ASB3: variants seen among roughly 807,000 people sequenced by gnomAD.
ASB3 encodes the protein ankyrin repeat and SOCS box containing 3, also known as ankyrin repeat and SOCS box protein 3.
A neutral mutation model predicts 54.5 loss-of-function variants in ASB3; 41 were observed. The observed-to-expected ratio is 0.75, with a 90% CI of 0.59 to 0.98. The LOEUF is 0.98. Among genes scored for constraint, ASB3 ranks in the 50% least tolerant of loss-of-function variants. The probability of loss-of-function intolerance (pLI) is 0.00; values close to 1 mark genes in which losing one functional copy is unlikely to be tolerated. For synonymous variants in ASB3, 266 were observed against 221.2 expected (o/e 1.20, Z -1.80); for missense variants, 733 against 620.0 (o/e 1.18, Z -1.94).
At chr2:53,672,838 C>T (rs1004626097) in intron 9 of ASB3, among the ~76,000 whole-genome samples, 8 of 152,080 alleles carry the variant, frequency 5.3e-5, no homozygotes, top group South Asian at 2.1e-4. Flanking sequence ...GTTGTAGCCA[C>T]GTCTAATTCA....
chr2:53,704,075 T>C (rs758397968), intron 7 of ASB3, among the ~76,000 whole-genome samples: 7 of 151,964 alleles, frequency 4.6e-5, no homozygotes, highest in Non-Finnish European at 8.8e-5. Context: ...TTAAGAAAAG[T>C]AAGAAGGGCT....
At chr2:53,714,766 T>C (rs1013456932) in intron 6 of ASB3, among the ~76,000 whole-genome samples, 185 bp from the exon 7 acceptor site, 5 of 152,208 alleles carry the variant, frequency 3.3e-5, no homozygotes, top group Non-Finnish European at 7.3e-5. Context: ...TCCAGAATGT[T>C]ACACTTATTA....
intron 3 of ASB3, among the ~76,000 whole-genome samples, chr2:53,739,647 C>T (rs1432600397): frequency 6.6e-6 from 1 of 152,050 alleles, no homozygotes; most frequent in African/African-American, 2.4e-5. Flanking sequence ...TCTCTATTAG[C>T]TAGAAAATAT....
Position 53,714,622 on chromosome 2 carries a change from T to C in ASB3, c.783-41A>G, listed in dbSNP as rs73934979. 3,909 of 1,583,164 alleles carry C rather than the reference T, an allele frequency of 2.5e-3. 75 individuals carry two copies. In the African/African-American group the frequency reaches 0.047, roughly 19 times the overall value. ...TTCAGGAGAATTTAGTGTTTGTATA[T>C]GTGCATAAATGTAGGCAACATTTCT... On this transcript the variant is annotated intron_variant, in intron 6 of 9. Transcript: ENST00000263634.
intron 3 of ASB3, among the ~76,000 whole-genome samples, chr2:53,745,327 A>G (rs1029090860): frequency 2.0e-5 from 3 of 152,202 alleles, no homozygotes; most frequent in Non-Finnish European, 4.4e-5. Context: ...TGCTAGCAAA[A>G]AGATGTTCTG....
intron 2 of ASB3, chr2:53,763,716 G>C (rs1482752412): frequency 2.4e-5 from 4 of 164,940 alleles, no homozygotes; most frequent in African/African-American, 9.6e-5. Context: ...ATTCCGATAT[G>C]AAGAAGAGAT....
chr2:53,782,709 ACTC>A (rs1404635689), intron 1 of ASB3, among the ~76,000 whole-genome samples: 2 of 152,074 alleles, frequency 1.3e-5, no homozygotes, highest in African/African-American at 4.8e-5. Flanking sequence ...GAAAGAGGCA[ACTC>A]GTTTCTTGCA....
chr2:53,783,756 T>C (rs1014807436), intron 1 of ASB3, among the ~76,000 whole-genome samples: 1 of 152,204 alleles, frequency 6.6e-6, no homozygotes, highest in African/African-American at 2.4e-5. Flanking sequence ...TATCATTAAA[T>C]GAGCAGGCAA....
At chr2:53,706,710 G>A (rs1406807424) in intron 7 of ASB3, among the ~76,000 whole-genome samples, 3 of 152,188 alleles carry the variant, frequency 2.0e-5, no homozygotes, top group Non-Finnish European at 4.4e-5. Flanking sequence ...CTCCCAAGGT[G>A]CTGGGATTAT....
At chr2:53,731,317 G>A (rs560640037) in intron 3 of ASB3, among the ~76,000 whole-genome samples, 6 of 152,200 alleles carry the variant, frequency 3.9e-5, no homozygotes, top group East Asian at 1.9e-4. Context: ...CAGGAGAATC[G>A]CTTAAACCTG....
At chr2:53,752,935 G>T (rs1340604674) in intron 2 of ASB3, among the ~76,000 whole-genome samples, 2 of 151,708 alleles carry the variant, frequency 1.3e-5, no homozygotes, top group African/African-American at 4.8e-5. Context: ...TTGTAAAGTA[G>T]AAAAGATGTT....
At chr2:53,675,593 C>T (rs1450040520) in intron 9 of ASB3, among the ~76,000 whole-genome samples, 1 of 152,152 alleles carries the variant, frequency 6.6e-6, no homozygotes, top group Non-Finnish European at 1.5e-5. Context: ...AATCAGGATT[C>T]TATCTAGCCT....
intron 1 of ASB3, among the ~76,000 whole-genome samples, chr2:53,778,192 T>C (rs1212941214): frequency 1.3e-5 from 2 of 150,642 alleles, no homozygotes; most frequent in African/African-American, 4.9e-5. Context: ...CAATCTTTAA[T>C]TGGAGGCCAT....
rs1275413850 is a variant in ASB3 at position 53,700,423 on chromosome 2, G to A, written c.1086C>T (p.Arg362=). ...CLKYEKFSIF[R]YFLRKGCSLG... is the part of the protein sequence containing the mutation. ...ATGAGCAACCTTTCCTCAAAAAGTA[G>A]CGAAATATCGAAAACTTCTCGTACT... Residue 362 remains arginine, a synonymous_variant, in exon 8 of 10, where the codon CGC becomes CGT. Coordinates refer to ENST00000263634, the MANE Select transcript of ASB3 (RefSeq NM_016115.5). 4 of 1,613,940 alleles carry A rather than the reference G, an allele frequency of 2.5e-6. No individual in the cohort carries two copies. The highest frequency in any genetic ancestry group is 3.4e-6 in the Non-Finnish European group (4 of 1,180,004).
Position 53,765,392 on chromosome 2 carries a change from T to G in ASB3, c.181A>C (p.Met61Leu), listed in dbSNP as rs1432262583. 1 of 1,614,106 alleles carries G rather than the reference T, an allele frequency of 6.2e-7. No homozygotes were observed. Among genetic ancestry groups the G allele is most frequent in the Non-Finnish European group, 8.5e-7 (1 of 1,180,028 alleles). ...AYHNSVECLQ[M>L]LINADSSENY... is the part of the protein sequence containing the mutation. ...TTTACTTTACCTGCATTAATTAACA[T>G]TTGCAAACATTCTACAGAGTTGTGA... The change falls in exon 2 of 10, where the codon ATG becomes CTG. Residue 61 changes from methionine (M) to leucine (L), a missense_variant. By Grantham distance (15) the Met-to-Leu change is conservative. Coordinates refer to ENST00000263634, the MANE Select transcript of ASB3 (RefSeq NM_016115.5).
intron 7 of ASB3, among the ~76,000 whole-genome samples, chr2:53,701,660 C>G (rs1307527452): frequency 6.6e-6 from 1 of 152,096 alleles, no homozygotes; most frequent in African/African-American, 2.4e-5. Flanking sequence ...ATACAGTGAG[C>G]CTGAGAAAGA....
At chr2:53,723,112 A>C (rs921654947) in intron 5 of ASB3, among the ~76,000 whole-genome samples, 1 of 152,188 alleles carries the variant, frequency 6.6e-6, no homozygotes, top group Non-Finnish European at 1.5e-5. Flanking sequence ...AAAAATTTTA[A>C]ACCTGGGAAT....
intron 9 of ASB3, among the ~76,000 whole-genome samples, chr2:53,686,627 C>A (rs1668644537): frequency 6.6e-6 from 1 of 151,644 alleles, no homozygotes. Flanking sequence ...GACGGGCTTT[C>A]AAACCAATAC....
At chr2:53,730,807 T>A (rs1053194139) in intron 3 of ASB3, among the ~76,000 whole-genome samples, 9 of 152,194 alleles carry the variant, frequency 5.9e-5, no homozygotes, top group African/African-American at 2.2e-4. Flanking sequence ...GAATAAGATT[T>A]TTTTTTCATT....
Sources: allele counts gnomAD v4.1 joint callset (sites outside exome capture counted in the v4.1 genomes callset), GRCh38; gene constraint gnomAD v4.1.1; transcripts MANE v1.5; gene names NCBI Gene and HGNC (gene_info 2026-07-23, HGNC 2026-07-21).